ZDHHC3: variants seen among roughly 807,000 people sequenced by gnomAD.
ZDHHC3 encodes zDHHC palmitoyltransferase 3.
Under a neutral mutation model 30.6 loss-of-function variants are expected in ZDHHC3, and 9 were observed. That is an observed-to-expected ratio of 0.29 (90% confidence interval 0.18 to 0.51). ZDHHC3 has a LOEUF of 0.51. ZDHHC3 is among the 20% of genes least tolerant of loss of function. The pLI is 0.97. For synonymous variants in ZDHHC3, 136 were observed against 140.2 expected (o/e 0.97, Z 0.21); for missense variants, 246 against 384.2 (o/e 0.64, Z 3.01).
intron 2 of ZDHHC3, among the ~76,000 whole-genome samples, chr3:44,958,121 T>TG (rs1704114049): frequency 6.6e-6 from 1 of 152,134 alleles, no homozygotes; most frequent in African/African-American, 2.4e-5. Flanking sequence ...TGCCTGCTGG[T>TG]GTGTTTGGTC....
At position 44,923,383 on chromosome 3, in the gene ZDHHC3, C is replaced by A; in HGVS notation, c.*3306G>T. ...GAGGGATGTCCACAGTGAGAAGTGT[C>A]CGCGCCCGGCTTAAAATGTTTGTTA... On this transcript the variant is annotated 3_prime_UTR_variant, in exon 7 of 7. Transcript: ENST00000424952. 1.0e-6 allele frequency: 1 copy of A among 985,374 alleles called. No homozygotes were observed. Among genetic ancestry groups the A allele is most frequent in the Non-Finnish European group, 1.2e-6 (1 of 829,926 alleles). 61.0% of individuals were successfully genotyped at this position (985,374 alleles called of 1,614,324 possible).
chr3:44,959,495 G>T lies in ZDHHC3; in HGVS notation c.-24-35C>A, dbSNP rs1704277596. The T allele has an allele frequency of 6.4e-7, 1 of 1,564,116 alleles. No homozygotes were observed. The highest frequency in any genetic ancestry group is 1.8e-5 in the Admixed American group (1 of 55,568). On this transcript the variant is annotated intron_variant, in intron 1 of 6. Transcript: ENST00000424952. This position sits in a 1 kb window ranked among gnomAD's most constrained non-coding sequence, Gnocchi z 4.3. The stretch of plus-strand genomic sequence containing the variant: ...AGAGGAAAGAATCCAGAAACTTGGT[G>T]TTGTCTTGTCATCAAGGAGGTTTGA...
intron 2 of ZDHHC3, among the ~76,000 whole-genome samples, chr3:44,953,406 C>A (rs930968373): frequency 1.3e-5 from 2 of 152,284 alleles, no homozygotes; most frequent in East Asian, 3.9e-4. Flanking sequence ...GATACTAAGG[C>A]TGTTTCAATA....
At position 44,920,311 on chromosome 3, in the gene ZDHHC3, T is replaced by C. The variant is rs538642476; in HGVS notation, c.*6378A>G. 5 of 1,289,882 alleles carry C rather than the reference T, an allele frequency of 3.9e-6. No individual in the cohort carries two copies. The South Asian group carries it at 4.9e-5, about 13-fold the overall frequency. 79.9% of individuals were successfully genotyped at this position (1,289,882 alleles called of 1,614,324 possible). A position where few individuals can be genotyped will look rare whatever the true frequency, so the allele number is the denominator to read the frequency against. On this transcript the variant is annotated 3_prime_UTR_variant, in exon 7 of 7. Coordinates refer to ENST00000424952, the MANE Select transcript of ZDHHC3 (RefSeq NM_001135179.2). ...GATGGTTTGCTTTGGGCATTCTGCATTCTCTTCCTGGGTGATCATCTGCAG... is the reference window on the plus strand; with the variant it reads ...GATGGTTTGCTTTGGGCATTCTGCACTCTCTTCCTGGGTGATCATCTGCAG...
At position 44,926,000 on chromosome 3, in the gene ZDHHC3, G is replaced by A; in HGVS notation, c.*689C>T. 3 of 985,714 alleles carry A rather than the reference G, an allele frequency of 3.0e-6. No homozygotes were observed. Among genetic ancestry groups the A allele is most frequent in the Non-Finnish European group, 2.4e-6 (2 of 829,920 alleles). 61.1% of individuals were successfully genotyped at this position (985,714 alleles called of 1,614,324 possible). On this transcript the variant is annotated 3_prime_UTR_variant, in exon 7 of 7. Transcript: ENST00000424952. ...TACACACTCTTCCAAATAATCACAGGGAATATAATTGCTGATTCAGAATAC... is the reference window on the plus strand; with the variant it reads ...TACACACTCTTCCAAATAATCACAGAGAATATAATTGCTGATTCAGAATAC...
At chr3:44,944,558 C>T (rs1702747320) in intron 3 of ZDHHC3, among the ~76,000 whole-genome samples, 1 of 152,186 alleles carries the variant, frequency 6.6e-6, no homozygotes, top group Admixed American at 6.5e-5. Context: ...GCTGGGATTA[C>T]AGGTGTAAGT....
chr3:44,929,553 G>T (rs1701308565), intron 5 of ZDHHC3, 117 bp from the exon 6 acceptor site: 1 of 1,384,206 alleles, frequency 7.2e-7, no homozygotes, highest in Non-Finnish European at 9.8e-7. Flanking sequence ...TTCCTCCTGG[G>T]TGCCATAGGT....
In ZDHHC3 at chr3:44,948,246, T is replaced by C. The variant is rs117311821; in HGVS notation, c.307-2954A>G. Among the ~76,000 whole-genome samples, 117 of 152,246 alleles carry C rather than the reference T, an allele frequency of 7.7e-4. 5 individuals carry two copies. In the East Asian group the frequency reaches 0.014, roughly 19 times the overall value. ...TCCCCAGAGTTGGACCGATGGATTA[T>C]AACAGGCCAAGTGAGGGGTTCCCAG... On this transcript the variant is annotated intron_variant, in intron 2 of 6. Transcript: ENST00000424952.
intron 2 of ZDHHC3, among the ~76,000 whole-genome samples, chr3:44,951,935 G>A (rs943659939): frequency 6.6e-6 from 1 of 151,892 alleles, no homozygotes; most frequent in African/African-American, 2.4e-5. Flanking sequence ...TGTTCCTCAG[G>A]GTTCAGGGTT....
Position 44,925,974 on chromosome 3 carries a change from C to T in ZDHHC3, c.*715G>A, listed in dbSNP as rs867413441. On this transcript the variant is annotated 3_prime_UTR_variant, in exon 7 of 7. Coordinates refer to ENST00000424952, the MANE Select transcript of ZDHHC3 (RefSeq NM_001135179.2). ...ATTTTGAACTGGAAAAACGTCTTTC[C>T]TACACACTCTTCCAAATAATCACAG... 1.6e-5 allele frequency: 16 copies of T among 985,660 alleles called. No individual in the cohort carries two copies. In the South Asian group the frequency reaches 3.8e-4, roughly 23 times the overall value. 61.1% of individuals were successfully genotyped at this position (985,660 alleles called of 1,614,324 possible).
chr3:44,953,268 A>G (rs998945700), intron 2 of ZDHHC3, among the ~76,000 whole-genome samples: 4 of 152,224 alleles, frequency 2.6e-5, no homozygotes, highest in African/African-American at 9.6e-5. Context: ...GAAGACAAAC[A>G]TATCATTACC....
chr3:44,946,684 G>GT (rs1443933913), intron 2 of ZDHHC3, among the ~76,000 whole-genome samples: 1 of 152,198 alleles, frequency 6.6e-6, no homozygotes, highest in Admixed American at 6.5e-5. Context: ...AGGTAGACCT[G>GT]TGGGAGAAAA....
At chr3:44,945,085 C>T in intron 3 of ZDHHC3, 83 bp downstream of exon 3, 1 of 1,593,276 alleles carries the variant, frequency 6.3e-7, no homozygotes, top group Non-Finnish European at 8.6e-7. Context: ...GAAGTGTGTG[C>T]TACTCCAGGA....
Position 44,924,106 on chromosome 3 carries a change from CT to C in ZDHHC3, c.*2582del. ...AGGCTCTGAAAGACTGTGGCTACGACTGGTTCAATTTCCCATGAGTGCACCA... is the reference window on the plus strand; with the variant it reads ...AGGCTCTGAAAGACTGTGGCTACGACGGTTCAATTTCCCATGAGTGCACCA... On this transcript the variant is annotated 3_prime_UTR_variant, in exon 7 of 7. Transcript: ENST00000424952. The C allele has an allele frequency of 1.0e-6, 1 of 985,428 alleles. No individual in the cohort carries two copies. The highest frequency in any genetic ancestry group is 1.2e-6 in the Non-Finnish European group (1 of 829,932). 61.0% of individuals were successfully genotyped at this position (985,428 alleles called of 1,614,324 possible).
intron 2 of ZDHHC3, among the ~76,000 whole-genome samples, chr3:44,947,377 T>A (rs575163324): frequency 4.1e-4 from 63 of 152,256 alleles, no homozygotes; most frequent in African/African-American, 1.4e-3. Context: ...GGCTTGGAAG[T>A]CCCCTGGCCT....
At chr3:44,971,276 T>C (rs971254851) in intron 1 of ZDHHC3, among the ~76,000 whole-genome samples, 1 of 152,194 alleles carries the variant, frequency 6.6e-6, no homozygotes, top group African/African-American at 2.4e-5. Context: ...GCCAAGTCAA[T>C]ACATACTACG....
chr3:44,941,170 T>C (rs1219446834), intron 3 of ZDHHC3, among the ~76,000 whole-genome samples: 2 of 151,988 alleles, frequency 1.3e-5, no homozygotes, highest in Admixed American at 6.5e-5. Flanking sequence ...TGTAGGAAAA[T>C]AGTAAGAAAA....
In ZDHHC3 at chr3:44,972,001, C is replaced by T. The variant is rs374987766; in HGVS notation, c.-25+3932G>A. ...TCATTCTTTTAAGACAAGGTACAGG[C>T]GGGACAAATGCAAAGTGTTTAAAGG... On this transcript the variant is annotated intron_variant, in intron 1 of 6. Transcript: ENST00000424952. Among the ~76,000 whole-genome samples the T allele has an allele frequency of 4.1e-4, 63 of 152,170 alleles. 1 individual carries two copies. The highest frequency in any genetic ancestry group is 1.4e-3 in the East Asian group (7 of 5,184).
At chr3:44,955,276 T>C (rs1343064946) in intron 2 of ZDHHC3, among the ~76,000 whole-genome samples, 2 of 152,122 alleles carry the variant, frequency 1.3e-5, no homozygotes, top group Non-Finnish European at 2.9e-5. Context: ...CTGTGAGTCA[T>C]TTCCCACTTC....
Sources: gnomAD v4.1 joint callset for allele counts (sites outside exome capture counted in the v4.1 genomes callset) on GRCh38, gnomAD v4.1.1 for gene constraint, Gnocchi (gnomAD v3.1) non-coding constraint, MANE v1.5 for transcripts, NCBI Gene and HGNC (gene_info 2026-07-23, HGNC 2026-07-21) for gene names.